JAK2: variants seen among roughly 807,000 people sequenced by gnomAD.
JAK2 encodes tyrosine-protein kinase JAK2.
JAK2 carries 86 observed loss-of-function variants against 139.3 expected under a neutral mutation model. The observed-to-expected ratio is 0.62, with a 90% confidence interval of 0.52 to 0.74. The LOEUF is 0.74. JAK2 is among the 30% of genes least tolerant of loss of function. The probability of loss-of-function intolerance (pLI) is 0.00; values close to 1 mark genes in which losing one functional copy is unlikely to be tolerated. For synonymous variants in JAK2, 490 were observed against 437.7 expected (o/e 1.12, Z -1.49); for missense variants, 1,421 against 1,360.3 (o/e 1.04, Z -0.70).
chr9:5,106,689 C>G (rs1166894604), intron 22 of JAK2, among the ~76,000 whole-genome samples: 1 of 151,990 alleles, frequency 6.6e-6, no homozygotes, highest in Non-Finnish European at 1.5e-5. Context: ...GAAAATATGC[C>G]ACAAATATCC....
In JAK2 at chr9:5,126,813, G is replaced by T; in HGVS notation, c.*22G>T. ...ATGAAAGAAATGACCTTCATTCTGA[G>T]ACCAAAGTAGATTTACAGAACAAAG... On this transcript the variant is annotated 3_prime_UTR_variant, in exon 25 of 25. Coordinates refer to ENST00000381652, the MANE Select transcript of JAK2 (RefSeq NM_004972.4). 1 of 1,432,660 alleles carries T rather than the reference G, an allele frequency of 7.0e-7. No homozygotes were observed. Among genetic ancestry groups the T allele is most frequent in the South Asian group, 1.2e-5 (1 of 85,616 alleles). 88.7% of individuals were successfully genotyped at this position (1,432,660 alleles called of 1,614,324 possible).
Position 5,078,199 on chromosome 9 carries a change from C to G in JAK2, c.1993-107C>G. The G allele has an allele frequency of 4.7e-6, 4 of 850,106 alleles. 1 individual carries two copies. In the South Asian group the frequency reaches 6.8e-5, roughly 14 times the overall value. The allele number at this position is 850,106 out of a possible 1,614,324, so 52.7% of individuals were successfully genotyped here. A position where few individuals can be genotyped will look rare whatever the true frequency, so the allele number is the denominator to read the frequency against. On this transcript the variant is annotated intron_variant, in intron 15 of 24. Transcript: ENST00000381652. The stretch of plus-strand genomic sequence containing the variant: ...CAATGCATGCCTCCAAATTATTATA[C>G]TATCATGTATTTTTCTTCTTTAAAT...
chr9:5,038,237 A>G (rs1316875581), intron 4 of JAK2, among the ~76,000 whole-genome samples: 1 of 152,170 alleles, frequency 6.6e-6, no homozygotes, highest in Non-Finnish European at 1.5e-5. Context: ...AGTTATAGGA[A>G]CTGCTAAAAG....
chr9:5,056,863 GAAGTT>G (rs1817801729), intron 8 of JAK2, among the ~76,000 whole-genome samples: 1 of 152,156 alleles, frequency 6.6e-6, no homozygotes, highest in Non-Finnish European at 1.5e-5. Flanking sequence ...GCAATACAGA[GAAGTT>G]AAGTAACTTT....
intron 4 of JAK2, among the ~76,000 whole-genome samples, chr9:5,036,591 GACAAAA>G (rs768243568): frequency 1.3e-5 from 2 of 152,138 alleles, no homozygotes; most frequent in African/African-American, 2.4e-5. Flanking sequence ...TGACAAACCT[GACAAAA>G]ACAAGAAATG....
chr9:5,081,360 GC>G (rs1182840665), intron 18 of JAK2, among the ~76,000 whole-genome samples: 1 of 150,842 alleles, frequency 6.6e-6, no homozygotes, highest in East Asian at 1.9e-4. Context: ...TATTTGTTTT[GC>G]TTTGTTCTCT....
chr9:5,110,624 C>G (rs1289678221), intron 22 of JAK2: 1 of 200,250 alleles, frequency 5.0e-6, no homozygotes, highest in African/African-American at 2.3e-5. Flanking sequence ...TCTTCACAGG[C>G]TTTTACTCTA....
rs1234600877 is a variant in JAK2, at chr9:5,083,535, T to G, written c.2571+1674T>G. ...CATTTATTGTTTCTTTTATACAACTTAATCACAGTCTTCTGTTGTTTATTA... is the reference window on the plus strand; with the variant it reads ...CATTTATTGTTTCTTTTATACAACTGAATCACAGTCTTCTGTTGTTTATTA... On this transcript the variant is annotated intron_variant, in intron 19 of 24. Coordinates refer to ENST00000381652, the MANE Select transcript of JAK2 (RefSeq NM_004972.4). Among the ~76,000 whole-genome samples, 3 of 152,236 alleles carry G rather than the reference T, an allele frequency of 2.0e-5. No individual in the cohort carries two copies. In the East Asian group the frequency reaches 5.8e-4, roughly 29 times the overall value.
At position 5,072,560 on chromosome 9, in the gene JAK2, CG is replaced by C; in HGVS notation, c.1712del (p.Gly571ValfsTer10). 1 of 1,609,740 alleles carries C rather than the reference CG, an allele frequency of 6.2e-7. No homozygotes were observed. Among genetic ancestry groups the C allele is most frequent in the Non-Finnish European group, 8.5e-7 (1 of 1,176,978 alleles). ...GCGTACGAAGAGAAGTAGGAGACTA[CG>C]GTCAACTGCATGAAACAGAAGTTCT... Reference protein sequence around the residue: ...KGVRREVGDYGQLHETEVLLK... With the variant: ...KGVRREVGDYXQLHETEVLLK... On this transcript the variant is annotated frameshift_variant, in exon 13 of 25. Coordinates refer to ENST00000381652, the MANE Select transcript of JAK2 (RefSeq NM_004972.4). LOFTEE classifies it high-confidence loss of function.
intron 5 of JAK2, among the ~76,000 whole-genome samples, chr9:5,049,371 C>G (rs1817254450): frequency 6.6e-6 from 1 of 152,186 alleles, no homozygotes. Context: ...ACTTCAGGCC[C>G]TAATCAAATT....
rs1237113183 is a variant in JAK2, at chr9:5,022,213, G to T, written c.226G>T (p.Gly76Cys). The change falls in exon 3 of 25, where the codon GGT becomes TGT. Residue 76 changes from glycine to cysteine, a missense_variant and splice_region_variant. By Grantham distance (159) the Gly-to-Cys change is radical. Coordinates refer to ENST00000381652, the MANE Select transcript of JAK2 (RefSeq NM_004972.4). Reference protein sequence around the residue: ...EICIAASKACGITPVYHNMFA... With the variant: ...EICIAASKACCITPVYHNMFA... ...CTGTATTGCTGCTTCTAAAGCTTGT[G>T]GTAAGTATTAAAAAACAGCATTTTC... 22 of 1,609,424 alleles carry T rather than the reference G, an allele frequency of 1.4e-5. No homozygotes were observed. The highest frequency in any genetic ancestry group is 1.5e-5 in the Non-Finnish European group (18 of 1,176,230).
intron 19 of JAK2, among the ~76,000 whole-genome samples, chr9:5,089,277 G>T (rs1820374377): frequency 6.6e-6 from 1 of 152,104 alleles, no homozygotes; most frequent in Admixed American, 6.6e-5. Flanking sequence ...GGTGGCTCAT[G>T]CCTGTAATCC....
chr9:4,996,590 G>A (rs905905425), intron 2 of JAK2, among the ~76,000 whole-genome samples: 13 of 151,780 alleles, frequency 8.6e-5, no homozygotes, highest in African/African-American at 2.7e-4. Flanking sequence ...AGGGGCGGGG[G>A]TGATGTGAAA....
At chr9:5,027,674 C>A (rs1005741892) in intron 3 of JAK2, among the ~76,000 whole-genome samples, 1 of 152,182 alleles carries the variant, frequency 6.6e-6, no homozygotes, top group South Asian at 2.1e-4. Context: ...TCACTCAAAC[C>A]CTGCCACTGC....
intron 23 of JAK2, chr9:5,126,043 GTTTT>G (rs537204831): frequency 1.8e-5 from 4 of 222,020 alleles, no homozygotes; most frequent in African/African-American, 9.1e-5. Context: ...AAAAATATGA[GTTTT>G]TTAACAACAA....
chr9:4,996,776 T>C (rs1240353115), intron 2 of JAK2, among the ~76,000 whole-genome samples: 2 of 152,118 alleles, frequency 1.3e-5, no homozygotes, highest in Non-Finnish European at 2.9e-5. Flanking sequence ...TTATGAAAAT[T>C]TAAAATTATT....
chr9:5,010,679 A>G (rs1408158376), intron 2 of JAK2, among the ~76,000 whole-genome samples: 1 of 152,198 alleles, frequency 6.6e-6, no homozygotes, highest in Non-Finnish European at 1.5e-5. Context: ...AATTAATCAC[A>G]TATTTACTAT....
intron 22 of JAK2, among the ~76,000 whole-genome samples, chr9:5,117,517 G>A (rs1049138130): frequency 2.0e-5 from 3 of 152,088 alleles, no homozygotes; most frequent in Non-Finnish European, 2.9e-5. Context: ...TAGTTTTCCA[G>A]AGGCAATAAG....
chr9:5,032,291 C>T (rs961965160), intron 4 of JAK2, among the ~76,000 whole-genome samples: 1 of 152,232 alleles, frequency 6.6e-6, no homozygotes, highest in Non-Finnish European at 1.5e-5. Flanking sequence ...TCAAGGAGGC[C>T]TGCCGGCCTC....
Sources: gnomAD v4.1 joint callset for allele counts (sites outside exome capture counted in the v4.1 genomes callset) on GRCh38, gnomAD v4.1.1 for gene constraint, MANE v1.5 for transcripts, NCBI Gene and HGNC (gene_info 2026-07-23, HGNC 2026-07-21) for gene names.